Variants in TTC17 observed in about 807,000 individuals in gnomAD.
The protein encoded by TTC17 is tetratricopeptide repeat domain 17, also known as tetratricopeptide repeat protein 17.
Under a neutral mutation model 143.8 loss-of-function variants are expected in TTC17, and 58 were observed. The ratio of observed to expected loss-of-function variants is 0.40; its 90% CI spans 0.33 to 0.50. TTC17 has a LOEUF of 0.50. Among genes scored for constraint, TTC17 ranks in the 20% least tolerant of loss-of-function variants. TTC17 has a pLI of 0.49. For missense variants in TTC17, 1,273 were observed against 1,392.5 expected, an observed-to-expected ratio of 0.91 and a Z score of 1.37; for synonymous variants, 501 against 497.8, an observed-to-expected ratio of 1.01 and a Z score of -0.09.
chr11:43,472,042 GTTAAAA>G lies in TTC17; in HGVS notation c.3031-18191_3031-18186del, dbSNP rs144618908. Among the ~76,000 whole-genome samples, 944 of 152,192 alleles carry G rather than the reference GTTAAAA, an allele frequency of 6.2e-3. 13 individuals carry two copies. Among genetic ancestry groups the G allele is most frequent in the African/African-American group, 0.021 (888 of 41,514 alleles). ...GCTTTTAAATATAAAATATACAACAGTTAAAATTAAACAAATTTTAAAAAGATATAT... is the reference window on the plus strand; with the variant it reads ...GCTTTTAAATATAAAATATACAACAGTTAAACAAATTTTAAAAAGATATAT... On this transcript the variant is annotated intron_variant, in intron 21 of 23. Transcript: ENST00000039989.
chr11:43,450,353 T>C, intron 20 of TTC17, 112 bp downstream of exon 20: 1 of 1,286,956 alleles, frequency 7.8e-7, no homozygotes, highest in Non-Finnish European at 1.0e-6. Flanking sequence ...TAGGGGCTTT[T>C]TTCAGTTAGG....
At chr11:43,424,487 G>A (rs1946979166) in intron 16 of TTC17, among the ~76,000 whole-genome samples, 1 of 152,222 alleles carries the variant, frequency 6.6e-6, no homozygotes, top group Non-Finnish European at 1.5e-5. Context: ...ATGAAAAGGT[G>A]GCTGGGCATG....
chr11:43,405,459 C>G (rs1184034121), intron 11 of TTC17, 55 bp from the exon 12 acceptor site: 1 of 1,257,904 alleles, frequency 7.9e-7, no homozygotes, highest in African/African-American at 1.5e-5. Context: ...GTTTATTTAG[C>G]ATATTGAAAT....
At chr11:43,430,527 CAGT>C (rs1318884547) in intron 16 of TTC17, among the ~76,000 whole-genome samples, 8 of 152,118 alleles carry the variant, frequency 5.3e-5, no homozygotes, top group Non-Finnish European at 1.0e-4. Flanking sequence ...TATTGTAAGG[CAGT>C]CTGTCTATTA....
intron 21 of TTC17, among the ~76,000 whole-genome samples, chr11:43,486,861 T>C (rs1244589623): frequency 4.0e-5 from 6 of 151,510 alleles, no homozygotes; most frequent in Non-Finnish European, 8.8e-5. Context: ...CATGGCAAAA[T>C]CACATCTCTA....
At chr11:43,428,007 C>G (rs1359736415) in intron 16 of TTC17, among the ~76,000 whole-genome samples, 1 of 152,130 alleles carries the variant, frequency 6.6e-6, no homozygotes, top group Admixed American at 6.6e-5. Context: ...CCTCAATATA[C>G]ATAAGTAGAT....
intron 21 of TTC17, among the ~76,000 whole-genome samples, chr11:43,465,102 G>T (rs548500399): frequency 7.2e-5 from 11 of 152,322 alleles, no homozygotes; most frequent in African/African-American, 2.6e-4. Context: ...AAAACTAAGG[G>T]TAAGTGAACT....
chr11:43,438,767 ACTC>A (rs1184550890), intron 16 of TTC17, among the ~76,000 whole-genome samples: 1 of 151,354 alleles, frequency 6.6e-6, no homozygotes, highest in East Asian at 1.9e-4. Context: ...TGCTCCCTAA[ACTC>A]CTTGAAACTT....
chr11:43,414,760 T>G lies in TTC17; in HGVS notation c.2235T>G (p.Thr745=). The change falls in exon 16 of 24, where the codon ACT becomes ACG. Residue 745 remains threonine, a synonymous_variant. Coordinates refer to ENST00000039989, the MANE Select transcript of TTC17 (RefSeq NM_018259.6). ...MQFYPFLYNI[T]SSVCSGTVVE... ...TTTATCCTTTTCTGTACAACATCACTTCTTCTGTTTGCAGTGGTAAGCAGC... is the reference window on the plus strand; with the variant it reads ...TTTATCCTTTTCTGTACAACATCACGTCTTCTGTTTGCAGTGGTAAGCAGC... 1 of 1,613,148 alleles carries G rather than the reference T, an allele frequency of 6.2e-7. No homozygotes were observed. The highest frequency in any genetic ancestry group is 8.5e-7 in the Non-Finnish European group (1 of 1,179,514).
chr11:43,370,201 G>A (rs1856509130), intron 1 of TTC17: 3 of 406,430 alleles, frequency 7.4e-6, no homozygotes, highest in Non-Finnish European at 1.5e-5. Context: ...CTTGAATCCT[G>A]AAGAGATAAT....
At chr11:43,487,426 G>A (rs1420100169) in intron 21 of TTC17, among the ~76,000 whole-genome samples, 1 of 152,172 alleles carries the variant, frequency 6.6e-6, no homozygotes, top group Non-Finnish European at 1.5e-5. Flanking sequence ...GATTACAGGT[G>A]TGGGCCACCA....
chr11:43,391,508 C>G lies in TTC17; in HGVS notation c.463C>G (p.Pro155Ala). The change falls in exon 4 of 24, where the codon CCA becomes GCA. Residue 155 changes from proline to alanine, a missense_variant. Physicochemically the swap from Pro to Ala is conservative, Grantham distance 27. Transcript: ENST00000039989. ...IDTESPVPPD[P>A]EQPDCTKILE... ...CACAGAATCTCCTGTCCCTCCAGAC[C>G]CAGAGCAACCTGATTGTACTAAAAT... 6.2e-7 allele frequency: 1 copy of G among 1,608,176 alleles called. No individual in the cohort carries two copies.
chr11:43,463,509 T>C (rs1177825898), intron 21 of TTC17, among the ~76,000 whole-genome samples: 2 of 140,906 alleles, frequency 1.4e-5, no homozygotes, highest in East Asian at 4.5e-4. Context: ...CCTTAGGCAA[T>C]TTTTTTTTTA....
At chr11:43,410,994 A>G (rs956738616) in intron 15 of TTC17, among the ~76,000 whole-genome samples, 2 of 152,220 alleles carry the variant, frequency 1.3e-5, no homozygotes, top group African/African-American at 2.4e-5. Flanking sequence ...AATAGCCTCT[A>G]GACTGGTTTC....
intron 10 of TTC17, among the ~76,000 whole-genome samples, chr11:43,403,257 A>G (rs943153673): frequency 6.6e-5 from 10 of 152,180 alleles, no homozygotes; most frequent in Admixed American, 3.9e-4. Context: ...AATAGTCTAT[A>G]TTCATAAAAT....
At chr11:43,424,145 T>G (rs1946970777) in intron 16 of TTC17, among the ~76,000 whole-genome samples, 1 of 151,032 alleles carries the variant, frequency 6.6e-6, no homozygotes, top group Admixed American at 6.6e-5. Flanking sequence ...CAGGCTAGAG[T>G]GCAGTGGCTC....
At chr11:43,392,892 G>A (rs1045459614) in intron 5 of TTC17, among the ~76,000 whole-genome samples, 3 of 152,118 alleles carry the variant, frequency 2.0e-5, no homozygotes, top group African/African-American at 4.8e-5. Flanking sequence ...TATCCTATCC[G>A]GAAACGTGAA....
At chr11:43,393,609 C>G (rs1857471569) in intron 5 of TTC17, among the ~76,000 whole-genome samples, 1 of 152,162 alleles carries the variant, frequency 6.6e-6, no homozygotes, top group East Asian at 1.9e-4. Flanking sequence ...TCTCCCCTCC[C>G]CGAAGGACAG....
rs1173974762 is a variant in TTC17, at chr11:43,358,949, G to A, written c.-6G>A. Reference sequence around the variant, plus strand: ...CCGGTGTGAGCGGCCCGGCCGGGGGGGCAAGATGGCGGCGGCAGTAGGGGT... The same window carrying A: ...CCGGTGTGAGCGGCCCGGCCGGGGGAGCAAGATGGCGGCGGCAGTAGGGGT... On this transcript the variant is annotated 5_prime_UTR_variant, in exon 1 of 24. Transcript: ENST00000039989. 12 of 1,571,714 alleles carry A rather than the reference G, an allele frequency of 7.6e-6. No individual in the cohort carries two copies. Among genetic ancestry groups the A allele is most frequent in the Middle Eastern group, 1.7e-4 (1 of 5,886 alleles).
Sources: gnomAD v4.1 joint callset for allele counts (sites outside exome capture counted in the v4.1 genomes callset) on GRCh38, gnomAD v4.1.1 for gene constraint, MANE v1.5 for transcripts, NCBI Gene and HGNC (gene_info 2026-07-23, HGNC 2026-07-21) for gene names.